Variants in NUP133 observed in about 807,000 individuals in gnomAD.
NUP133 encodes nuclear pore complex protein Nup133.
In NUP133, 66 loss-of-function variants were observed where a neutral mutation model predicts 146.2. The observed-to-expected ratio is 0.45, with a 90% CI of 0.37 to 0.55. The LOEUF is 0.55. NUP133 is among the 20% of genes least tolerant of loss of function. The pLI, the probability that NUP133 is intolerant of heterozygous loss-of-function variation, is 0.00. For missense variants in NUP133, 1,277 were observed against 1,374.8 expected, an observed-to-expected ratio of 0.93 and a Z score of 1.12; for synonymous variants, 521 against 498.8, an observed-to-expected ratio of 1.04 and a Z score of -0.59.
chr1:229,454,895 C>T (rs1558090573), intron 21 of NUP133, among the ~76,000 whole-genome samples: 1 of 152,146 alleles, frequency 6.6e-6, no homozygotes, highest in African/African-American at 2.4e-5. Flanking sequence ...TTATCCCAAA[C>T]AGTAAAAAAT....
intron 25 of NUP133, among the ~76,000 whole-genome samples, chr1:229,443,618 T>C (rs773092013): frequency 6.6e-6 from 1 of 151,974 alleles, no homozygotes; most frequent in African/African-American, 2.4e-5. Context: ...CTATTGTACA[T>C]GAAAGCCATA....
At chr1:229,487,960 C>T (rs1227031507) in intron 9 of NUP133, among the ~76,000 whole-genome samples, 1 of 151,012 alleles carries the variant, frequency 6.6e-6, no homozygotes, top group South Asian at 2.1e-4. Context: ...TCTCCTGCCT[C>T]AGCCTCCTAA....
Position 229,464,759 on chromosome 1 carries a change from C to T in NUP133, c.2416G>A (p.Val806Ile), listed in dbSNP as rs1660772866. The change falls in exon 18 of 26, where the codon GTA (valine) becomes ATA (isoleucine). Residue 806 changes from valine (V) to isoleucine (I), a missense_variant. Val to Ile is a conservative substitution (Grantham distance 29). Around this residue, in one of 3 missense-constraint regions of NUP133, gnomAD observed 952 missense variants for 1,047.0 expected, o/e 0.91. Transcript: ENST00000261396. Reference sequence around the variant, plus strand: ...TCCAGGAAGCAATCGATCAGGGCTACCAGCTGCTCGGTCACGATGTTTCGG... The same window carrying T: ...TCCAGGAAGCAATCGATCAGGGCTATCAGCTGCTCGGTCACGATGTTTCGG... ...NLRNIVTEQL[V>I]ALIDCFLDGY... 2 of 1,614,090 alleles carry T rather than the reference C, an allele frequency of 1.2e-6. No homozygotes were observed. Among genetic ancestry groups the T allele is most frequent in the Non-Finnish European group, 8.5e-7 (1 of 1,180,058 alleles).
chr1:229,499,728 C>G lies in NUP133; in HGVS notation c.604G>C (p.Asp202His). 6.2e-7 allele frequency: 1 copy of G among 1,614,140 alleles called. No individual in the cohort carries two copies. The highest frequency in any genetic ancestry group is 8.5e-7 in the Non-Finnish European group (1 of 1,179,966). Residue 202 changes from aspartate (D) to histidine (H), a missense_variant, in exon 5 of 26, where the codon GAT becomes CAT. By Grantham distance (81) the Asp-to-His change is moderately conservative (BLOSUM62 -1). Around this residue, in one of 3 missense-constraint regions of NUP133, gnomAD observed 319 missense variants for 306.9 expected, o/e 1.04. Transcript: ENST00000261396. ...CTGTAAGTCTTATCACCTCCCGAATCTACAAAAGCCTCTGTGTAGGTATCT... is the reference window on the plus strand; with the variant it reads ...CTGTAAGTCTTATCACCTCCCGAATGTACAAAAGCCTCTGTGTAGGTATCT... ...GEDTYTEAFVDSGGDKTYSFL... is the reference protein window; with the variant it reads ...GEDTYTEAFVHSGGDKTYSFL...
intron 8 of NUP133, among the ~76,000 whole-genome samples, chr1:229,492,239 T>A (rs1661541990): frequency 6.6e-6 from 1 of 152,022 alleles, no homozygotes. Flanking sequence ...CCCGAGTGGC[T>A]GGGATTACAG....
intron 21 of NUP133, among the ~76,000 whole-genome samples, chr1:229,456,754 T>TAC (rs922964814): frequency 6.6e-5 from 10 of 151,512 alleles, no homozygotes; most frequent in African/African-American, 1.5e-4. Context: ...TATATATATA[T>TAC]ACACACAATT....
intron 21 of NUP133, among the ~76,000 whole-genome samples, chr1:229,457,741 T>C (rs1463301743): frequency 6.6e-6 from 1 of 152,214 alleles, no homozygotes; most frequent in African/African-American, 2.4e-5. Context: ...TCCAAGAATA[T>C]GAAGGGCCAA....
At chr1:229,443,068 C>A (rs12142272) in intron 25 of NUP133, among the ~76,000 whole-genome samples, 4 of 151,958 alleles carry the variant, frequency 2.6e-5, no homozygotes, top group African/African-American at 9.7e-5. Flanking sequence ...CACTCTGTCA[C>A]CCAGGCTGGA....
At chr1:229,462,730 T>G (rs1290991607) in intron 19 of NUP133, among the ~76,000 whole-genome samples, 1 of 152,056 alleles carries the variant, frequency 6.6e-6, no homozygotes, top group Non-Finnish European at 1.5e-5. Context: ...TTAAAAAAAT[T>G]TTTTTTGTAA....
At chr1:229,460,565 C>A in intron 20 of NUP133, 46 bp downstream of exon 20, 1 of 1,559,204 alleles carries the variant, frequency 6.4e-7, no homozygotes, top group Non-Finnish European at 8.7e-7. Context: ...ATTAAAACTA[C>A]CTAAATAAAT....
intron 12 of NUP133, among the ~76,000 whole-genome samples, chr1:229,483,063 T>C (rs917798156): frequency 3.3e-5 from 5 of 152,208 alleles, no homozygotes; most frequent in Admixed American, 6.5e-5. Context: ...TGTGGTGATT[T>C]TGCGTAAAGC....
chr1:229,499,174 G>T (rs1661734764), intron 5 of NUP133: 1 of 469,864 alleles, frequency 2.1e-6, no homozygotes, highest in East Asian at 6.9e-5. Context: ...TGGTGAGACT[G>T]CACGCATGAG....
At chr1:229,486,266 G>T in intron 11 of NUP133, 105 bp downstream of exon 11, 1 of 1,021,484 alleles carries the variant, frequency 9.8e-7, no homozygotes, top group Non-Finnish European at 1.4e-6. Flanking sequence ...GGGCTGCAAT[G>T]AACTACGACT....
intron 25 of NUP133, 95 bp downstream of exon 25, chr1:229,444,819 C>T: frequency 2.5e-6 from 2 of 784,580 alleles, no homozygotes; most frequent in South Asian, 1.7e-5. Context: ...TGCACTCCAG[C>T]CTGAGTGACA....
In NUP133 at chr1:229,441,557, G is replaced by A; in HGVS notation, c.*347C>T. ...TTTAGAGACAAGCTAGTGCAATCTA[G>A]TAATTTTCATAGTCGCAGAAACTGA... On this transcript the variant is annotated 3_prime_UTR_variant, in exon 26 of 26. Coordinates refer to ENST00000261396, the MANE Select transcript of NUP133 (RefSeq NM_018230.3). 2.2e-6 allele frequency: 1 copy of A among 459,322 alleles called. No individual in the cohort carries two copies. Among genetic ancestry groups the A allele is most frequent in the East Asian group, 6.3e-5 (1 of 15,776 alleles). The allele number at this position is 459,322 out of a possible 1,614,324, so 28.5% of individuals were successfully genotyped here.
At chr1:229,483,565 T>C (rs1661271021) in intron 12 of NUP133, among the ~76,000 whole-genome samples, 2 of 151,852 alleles carry the variant, frequency 1.3e-5, no homozygotes, top group Admixed American at 6.6e-5. Flanking sequence ...ATTAGCTAGG[T>C]GTAGTGGTAC....
intron 11 of NUP133, among the ~76,000 whole-genome samples, chr1:229,486,126 C>T (rs191850056): frequency 6.6e-6 from 1 of 152,168 alleles, no homozygotes; most frequent in African/African-American, 2.4e-5. Context: ...ATGATTATGC[C>T]ACTGCACTCT....
At chr1:229,490,194 C>A in intron 8 of NUP133, 92 bp from the exon 9 acceptor site, 2 of 1,145,630 alleles carry the variant, frequency 1.7e-6, no homozygotes, top group East Asian at 2.9e-5. Flanking sequence ...TATAACTTAG[C>A]AATCCCATTC....
intron 24 of NUP133, 187 bp downstream of exon 24, chr1:229,448,939 G>A (rs1660377511): frequency 3.3e-6 from 2 of 605,522 alleles, no homozygotes; most frequent in Non-Finnish European, 5.8e-6. Context: ...ATTGTATCAG[G>A]ACTGAACTAA....
Sources: allele counts gnomAD v4.1 joint callset (sites outside exome capture counted in the v4.1 genomes callset), GRCh38; gene constraint gnomAD v4.1.1; regional missense constraint gnomAD v4.1.1; transcripts MANE v1.5; gene names NCBI Gene and HGNC (gene_info 2026-07-23, HGNC 2026-07-21).